The following RNF220 variants were observed in gnomAD, a reference collection of about 807,000 sequenced individuals.
RNF220 encodes the protein ring finger protein 220, also known as E3 ubiquitin-protein ligase RNF220.
A neutral mutation model predicts 67.1 loss-of-function variants in RNF220; 7 were observed. That is an observed-to-expected ratio of 0.10 (90% CI 0.06 to 0.20). The LOEUF (loss-of-function observed/expected upper bound fraction) is 0.20. RNF220 is among the 10% of genes least tolerant of loss of function. RNF220 has a pLI of 1.00. For synonymous variants in RNF220, 270 were observed against 283.2 expected (o/e 0.95, Z 0.47); for missense variants, 565 against 740.3 (o/e 0.76, Z 2.75).
At chr1:44,421,795 T>C (rs1303048710) in intron 2 of RNF220, among the ~76,000 whole-genome samples, 1 of 151,958 alleles carries the variant, frequency 6.6e-6, no homozygotes, top group African/African-American at 2.4e-5. Flanking sequence ...TGCATGTCAG[T>C]GGGAGAGGTG....
chr1:44,440,160 A>G (rs139749929), intron 2 of RNF220, among the ~76,000 whole-genome samples: 301 of 152,346 alleles, frequency 2.0e-3, no homozygotes, highest in African/African-American at 6.3e-3. Context: ...TTAAAATTAA[A>G]TAAAATTAAA....
chr1:44,478,583 G>C (rs181336004), intron 2 of RNF220, among the ~76,000 whole-genome samples: 2 of 152,010 alleles, frequency 1.3e-5, no homozygotes, highest in Admixed American at 1.3e-4. Context: ...TTAGCTGGGC[G>C]TGGTGGCACA....
In RNF220 at chr1:44,614,146, GTTC is replaced by G. The variant is rs765721205; in HGVS notation, c.626-14_626-12del. 12 of 1,613,886 alleles carry G rather than the reference GTTC, an allele frequency of 7.4e-6. No homozygotes were observed. The African/African-American group carries it at 1.5e-4, about 20-fold the overall frequency. On this transcript the variant is annotated splice_polypyrimidine_tract_variant and intron_variant, in intron 2 of 14. Coordinates refer to ENST00000361799, the MANE Select transcript of RNF220 (RefSeq NM_018150.4). ...ACTAGCCCAGCTTACGCGTCTGTCT[GTTC>G]TTCTCCCCTCACTAGGTAAGAAGAA... is the stretch of plus-strand genomic sequence containing the variant.
At chr1:44,637,648 G>A (rs901984090) in intron 8 of RNF220, among the ~76,000 whole-genome samples, 2 of 152,266 alleles carry the variant, frequency 1.3e-5, no homozygotes, top group Non-Finnish European at 2.9e-5. Flanking sequence ...CAAAGGGCCT[G>A]CTGATTTGAC....
intron 2 of RNF220, among the ~76,000 whole-genome samples, chr1:44,479,184 C>T (rs907991242): frequency 6.6e-6 from 1 of 150,806 alleles, no homozygotes; most frequent in Non-Finnish European, 1.5e-5. Context: ...GGCGCATTCT[C>T]GGCTCACTGC....
intron 2 of RNF220, among the ~76,000 whole-genome samples, chr1:44,509,902 A>AAAAAAAAAAAAC (rs1658825693): frequency 6.8e-6 from 1 of 146,706 alleles, no homozygotes; most frequent in African/African-American, 2.5e-5. Context: ...AAAAAAAAAA[A>AAAAAAAAAAAAC]AAAAGGAAGG....
At chr1:44,637,987 G>A (rs372135691) in intron 8 of RNF220, among the ~76,000 whole-genome samples, 1 of 152,370 alleles carries the variant, frequency 6.6e-6, no homozygotes, top group Admixed American at 6.5e-5. Context: ...CGAGATCAGC[G>A]GGGGCCACGA....
chr1:44,612,333 T>G (rs1643348655), intron 2 of RNF220, among the ~76,000 whole-genome samples: 1 of 152,232 alleles, frequency 6.6e-6, no homozygotes, highest in African/African-American at 2.4e-5. Flanking sequence ...AATATAAAGA[T>G]AGATAAGAAA....
At chr1:44,461,922 T>TTG (rs1472884574) in intron 2 of RNF220, among the ~76,000 whole-genome samples, 1 of 127,374 alleles carries the variant, frequency 7.9e-6, no homozygotes, top group Non-Finnish European at 1.7e-5. Context: ...TCTTTTTTCT[T>TTG]TGTTTTTTTT....
intron 2 of RNF220, among the ~76,000 whole-genome samples, chr1:44,520,131 G>A (rs1261489701): frequency 7.5e-6 from 1 of 133,236 alleles, no homozygotes; most frequent in African/African-American, 2.6e-5. Flanking sequence ...GTGTGTGTGA[G>A]AGAGAGAGAG....
At chr1:44,447,403 C>T (rs1368711464) in intron 2 of RNF220, among the ~76,000 whole-genome samples, 1 of 152,210 alleles carries the variant, frequency 6.6e-6, no homozygotes, top group African/African-American at 2.4e-5. Flanking sequence ...TCTTTCAAAT[C>T]TATATACATA....
intron 2 of RNF220, among the ~76,000 whole-genome samples, chr1:44,592,921 G>T (rs561685444): frequency 5.8e-4 from 88 of 152,336 alleles, no homozygotes; most frequent in African/African-American, 2.1e-3. Context: ...AGGATAGGAC[G>T]CAGGGAGTGG....
In RNF220 at chr1:44,461,924, GTT is replaced by G. The variant is rs201661366; in HGVS notation, c.625+49222_625+49223del. On this transcript the variant is annotated intron_variant, in intron 2 of 14. Transcript: ENST00000361799. The stretch of plus-strand genomic sequence containing the variant: ...TATTTTTTTCTTTTCTTTTTTCTTT[GTT>G]TTTTTTTTTTTTTTTTTTTGAGCCA... 1.1e-4 allele frequency among the ~76,000 whole-genome samples: 13 copies of G among 123,564 alleles called. No homozygotes were observed. In the East Asian group the frequency reaches 1.9e-3, roughly 18 times the overall value. The allele number at this position is 123,564 out of a possible 152,430, so 81.1% of individuals were successfully genotyped here.
intron 2 of RNF220, among the ~76,000 whole-genome samples, chr1:44,532,565 CT>C (rs1660913218): frequency 6.6e-6 from 1 of 152,190 alleles, no homozygotes; most frequent in Non-Finnish European, 1.5e-5. Context: ...AGGGAAGCAA[CT>C]TTTGCAAAGT....
intron 2 of RNF220, among the ~76,000 whole-genome samples, chr1:44,577,905 C>A (rs1467662015): frequency 6.6e-6 from 1 of 150,782 alleles, no homozygotes; most frequent in Non-Finnish European, 1.5e-5. Context: ...GGCATGATCA[C>A]AGCTCACTGC....
rs187455155 is a variant in RNF220, at chr1:44,579,967, T to C, written c.626-34198T>C. Among the ~76,000 whole-genome samples, 374 of 134,728 alleles carry C rather than the reference T, an allele frequency of 2.8e-3. 3 individuals carry two copies. Among genetic ancestry groups the C allele is most frequent in the African/African-American group, 9.9e-3 (353 of 35,570 alleles). The allele number at this position is 134,728 out of a possible 152,430, so 88.4% of individuals were successfully genotyped here. A position where few individuals can be genotyped will look rare whatever the true frequency, so the allele number is the denominator to read the frequency against. On this transcript the variant is annotated intron_variant, in intron 2 of 14. Transcript: ENST00000361799. ...ATCACTTGAGCCTAGGAGGCAGAGGTTGCAGTGAGCCATGTCATGCCACTG... is the reference window on the plus strand; with the variant it reads ...ATCACTTGAGCCTAGGAGGCAGAGGCTGCAGTGAGCCATGTCATGCCACTG...
intron 2 of RNF220, among the ~76,000 whole-genome samples, chr1:44,541,806 T>C (rs1463288965): frequency 6.6e-6 from 1 of 152,226 alleles, no homozygotes; most frequent in Non-Finnish European, 1.5e-5. Flanking sequence ...TGCTTTCCCA[T>C]TCAGTCACCT....
Position 44,540,356 on chromosome 1 carries a change from G to GA in RNF220, c.626-73800dup, listed in dbSNP as rs569931521. 2.9e-4 allele frequency among the ~76,000 whole-genome samples: 44 copies of GA among 151,636 alleles called. 1 individual carries two copies. The highest frequency in any genetic ancestry group is 2.5e-3 in the South Asian group (12 of 4,792). ...ATGAATACTTAGCATAAGGAAGAGA[G>GA]AAAAAAAAATCTGTGTAGCAGGCAG... On this transcript the variant is annotated intron_variant, in intron 2 of 14. Coordinates refer to ENST00000361799, the MANE Select transcript of RNF220 (RefSeq NM_018150.4).
intron 2 of RNF220, among the ~76,000 whole-genome samples, chr1:44,519,669 C>T (rs1174331213): frequency 6.6e-6 from 1 of 152,204 alleles, no homozygotes; most frequent in Non-Finnish European, 1.5e-5. Context: ...TAGTAAGCGG[C>T]CCAAGTTGTG....
Sources: allele counts gnomAD v4.1 joint callset (sites outside exome capture counted in the v4.1 genomes callset), GRCh38; gene constraint gnomAD v4.1.1; transcripts MANE v1.5; gene names NCBI Gene and HGNC (gene_info 2026-07-23, HGNC 2026-07-21).